The following ACTR3C variants were observed in gnomAD, a reference collection of about 807,000 sequenced individuals.
The protein encoded by ACTR3C is actin related protein 3C, also known as actin-related protein 3C.
A neutral mutation model predicts 26.3 loss-of-function variants in ACTR3C; 18 were observed. The observed-to-expected ratio is 0.68, with a 90% confidence interval of 0.47 to 1.01. ACTR3C has a LOEUF of 1.01. ACTR3C is among the 50% of genes least tolerant of loss of function. ACTR3C has a pLI of 0.00. For synonymous variants in ACTR3C, 55 were observed against 94.5 expected (o/e 0.58, Z 2.42); for missense variants, 184 against 250.7 (o/e 0.73, Z 1.80).
At chr7:150,157,791 C>CA in the ACTR3C span, among the ~76,000 whole-genome samples, 1 of 152,160 alleles carries the variant, frequency 6.6e-6, no homozygotes, top group Non-Finnish European at 1.5e-5. Context: ...CATCAAGCCA[C>CA]ATTTGTCTAT....
the ACTR3C span, among the ~76,000 whole-genome samples, chr7:150,011,170 T>C: frequency 1.3e-5 from 2 of 152,378 alleles, no homozygotes; most frequent in Admixed American, 6.5e-5. Flanking sequence ...CTCAGGTCCA[T>C]TGGATTCCAA....
At chr7:150,076,228 C>A in the ACTR3C span, among the ~76,000 whole-genome samples, 4 of 151,430 alleles carry the variant, frequency 2.6e-5, no homozygotes, top group African/African-American at 9.7e-5. Flanking sequence ...AAAAAAAAAA[C>A]TGATCATCTA....
chr7:150,040,069 C>A, the ACTR3C span, among the ~76,000 whole-genome samples: 45 of 137,794 alleles, frequency 3.3e-4, 1 homozygote, highest in African/African-American at 1.2e-3. Context: ...TGCCTCCCCC[C>A]ACTGCGATGG....
the ACTR3C span, among the ~76,000 whole-genome samples, chr7:150,108,098 G>A: frequency 6.7e-6 from 1 of 150,078 alleles, no homozygotes; most frequent in African/African-American, 2.5e-5. Context: ...GCAGTGGGTA[G>A]GACGGATTAG....
At chr7:149,940,239 TC>T in the ACTR3C span, among the ~76,000 whole-genome samples, 1 of 152,092 alleles carries the variant, frequency 6.6e-6, no homozygotes, top group African/African-American at 2.4e-5. Context: ...GAGGTATTGA[TC>T]AGGAAAGACA....
the ACTR3C span, among the ~76,000 whole-genome samples, chr7:150,022,533 C>T: frequency 2.6e-5 from 4 of 151,908 alleles, no homozygotes; most frequent in African/African-American, 7.3e-5. Context: ...TCCTCCCTGC[C>T]CTGGTTCTTG....
At chr7:150,165,772 C>T in the ACTR3C span, among the ~76,000 whole-genome samples, 1 of 150,730 alleles carries the variant, frequency 6.6e-6, no homozygotes, top group Admixed American at 6.5e-5. Context: ...TCCTGCTCTC[C>T]CTCTACCTCT....
chr7:150,133,112 C>T, the ACTR3C span, among the ~76,000 whole-genome samples: 5 of 152,074 alleles, frequency 3.3e-5, no homozygotes, highest in Admixed American at 2.0e-4. Context: ...GCACACAGGA[C>T]GAATTCCATG....
chr7:150,046,116 G>T, the ACTR3C span, among the ~76,000 whole-genome samples: 1 of 152,334 alleles, frequency 6.6e-6, no homozygotes, highest in East Asian at 1.9e-4. Context: ...GTCTGGAAAT[G>T]ATGCAGGAGA....
the ACTR3C span, among the ~76,000 whole-genome samples, chr7:150,215,401 C>A: frequency 6.6e-6 from 1 of 152,036 alleles, no homozygotes; most frequent in African/African-American, 2.4e-5. Context: ...TGACTTCTTG[C>A]CACATTCTAG....
At chr7:149,896,830 C>T in the ACTR3C span, among the ~76,000 whole-genome samples, 6 of 151,724 alleles carry the variant, frequency 4.0e-5, no homozygotes, top group South Asian at 4.2e-4. Context: ...GAGGTCGAGG[C>T]GGGTAGATCA....
the ACTR3C span, among the ~76,000 whole-genome samples, chr7:150,198,634 G>C: frequency 6.7e-6 from 1 of 149,936 alleles, no homozygotes; most frequent in South Asian, 2.1e-4. Context: ...GAAGTGAGGA[G>C]ATCCTCCGCC....
At chr7:150,045,685 G>C in the ACTR3C span, among the ~76,000 whole-genome samples, 4 of 151,978 alleles carry the variant, frequency 2.6e-5, no homozygotes, top group Middle Eastern at 3.4e-3. Flanking sequence ...GTTTATGTGA[G>C]AATCATTTCT....
chr7:150,176,597 A>G, the ACTR3C span, among the ~76,000 whole-genome samples: 2 of 150,968 alleles, frequency 1.3e-5, no homozygotes, highest in Non-Finnish European at 2.9e-5. Flanking sequence ...ATATCATCAA[A>G]TCACGATTAT....
chr7:150,202,537 C>T, the ACTR3C span, among the ~76,000 whole-genome samples: 2 of 152,080 alleles, frequency 1.3e-5, no homozygotes, highest in Admixed American at 6.6e-5. Context: ...CTCATGGATT[C>T]TTTATAGAGT....
the ACTR3C span, among the ~76,000 whole-genome samples, chr7:150,080,082 T>C: frequency 3.3e-5 from 5 of 152,160 alleles, no homozygotes; most frequent in Non-Finnish European, 7.3e-5. Flanking sequence ...ATGAATGGCA[T>C]AGGAATGACA....
the ACTR3C span, among the ~76,000 whole-genome samples, chr7:150,142,305 G>A: frequency 2.0e-5 from 3 of 152,148 alleles, no homozygotes; most frequent in Non-Finnish European, 4.4e-5. Flanking sequence ...TGTTAGAACC[G>A]CAACAACTCC....
chr7:150,091,599 C>T, the ACTR3C span, among the ~76,000 whole-genome samples: 3 of 102,550 alleles, frequency 2.9e-5, no homozygotes, highest in African/African-American at 7.5e-5. Flanking sequence ...TGCTTGGAAA[C>T]ATACCTGGGA....
the ACTR3C span, among the ~76,000 whole-genome samples, chr7:150,137,023 G>T: frequency 1.3e-5 from 2 of 152,188 alleles, no homozygotes; most frequent in Non-Finnish European, 2.9e-5. Flanking sequence ...TCACAATAGG[G>T]TTCCCACTCC....
Sources: gnomAD v4.1 joint callset for allele counts (sites outside exome capture counted in the v4.1 genomes callset) on GRCh38, gnomAD v4.1.1 for gene constraint, MANE v1.5 for transcripts, NCBI Gene and HGNC (gene_info 2026-07-23, HGNC 2026-07-21) for gene names.